KCNT2: variants seen among roughly 807,000 people sequenced by gnomAD.
The protein encoded by KCNT2 is potassium channel subfamily T member 2.
Under a neutral mutation model 153.8 loss-of-function variants are expected in KCNT2, and 67 were observed. The ratio of observed to expected loss-of-function variants is 0.44; its 90% CI spans 0.36 to 0.53. KCNT2 has a LOEUF of 0.53. Among genes scored for constraint, KCNT2 ranks in the 20% least tolerant of loss-of-function variants. The pLI is 0.00. For missense variants in KCNT2, 975 were observed against 1,354.8 expected, an observed-to-expected ratio of 0.72 and a Z score of 4.40; for synonymous variants, 500 against 458.8, an observed-to-expected ratio of 1.09 and a Z score of -1.15.
At chr1:196,346,192 T>G (rs1375706514) in intron 14 of KCNT2, among the ~76,000 whole-genome samples, 1 of 152,128 alleles carries the variant, frequency 6.6e-6, no homozygotes, top group African/African-American at 2.4e-5. Flanking sequence ...AGCTTTTTGT[T>G]TGTATATTTT....
chr1:196,367,938 A>T (rs1668180968), intron 14 of KCNT2, among the ~76,000 whole-genome samples: 4 of 152,156 alleles, frequency 2.6e-5, no homozygotes, highest in African/African-American at 9.6e-5. Flanking sequence ...GACTAGCCTG[A>T]AGCAGAGAAT....
intron 14 of KCNT2, among the ~76,000 whole-genome samples, chr1:196,353,064 T>A (rs1666871020): frequency 6.6e-6 from 1 of 151,872 alleles, no homozygotes; most frequent in Non-Finnish European, 1.5e-5. Context: ...GTGGTCTTTT[T>A]AAACTATCGG....
intron 1 of KCNT2, among the ~76,000 whole-genome samples, chr1:196,545,975 G>A (rs1271575246): frequency 6.6e-6 from 1 of 151,900 alleles, no homozygotes; most frequent in Non-Finnish European, 1.5e-5. Context: ...TAACACTGCT[G>A]TAAATATTAA....
At chr1:196,490,320 A>G (rs1679762872) in intron 2 of KCNT2, among the ~76,000 whole-genome samples, 1 of 151,594 alleles carries the variant, frequency 6.6e-6, no homozygotes, top group South Asian at 2.1e-4. Context: ...AGCTGCTTAC[A>G]AATTCACAAG....
chr1:196,320,965 G>C (rs1663250386), intron 19 of KCNT2, among the ~76,000 whole-genome samples: 1 of 149,486 alleles, frequency 6.7e-6, no homozygotes, highest in African/African-American at 2.5e-5. Context: ...ATCTTCCGAA[G>C]ACCTTATTTT....
chr1:196,288,165 T>C (rs1449276764), intron 22 of KCNT2, among the ~76,000 whole-genome samples: 2 of 122,818 alleles, frequency 1.6e-5, no homozygotes, highest in Non-Finnish European at 3.3e-5. Context: ...ATAAAACGCT[T>C]GAGAGACTTC....
intron 22 of KCNT2, among the ~76,000 whole-genome samples, chr1:196,297,145 T>C (rs2147944013): frequency 6.6e-6 from 1 of 152,186 alleles, no homozygotes; most frequent in Non-Finnish European, 1.5e-5. Flanking sequence ...GATGTGTGTG[T>C]GTGTGTGTGC....
intron 1 of KCNT2, among the ~76,000 whole-genome samples, chr1:196,525,952 C>G (rs1468294347): frequency 6.6e-6 from 1 of 151,840 alleles, no homozygotes. Context: ...GTTTAGTATT[C>G]ACTAATGCAG....
chr1:196,467,341 G>A (rs1216546062), intron 7 of KCNT2, among the ~76,000 whole-genome samples: 1 of 151,980 alleles, frequency 6.6e-6, no homozygotes, highest in Non-Finnish European at 1.5e-5. Flanking sequence ...CATTTTACAA[G>A]TTTTCATTCT....
At position 196,247,195 on chromosome 1, in the gene KCNT2, T is replaced by C. The variant is rs555997249; in HGVS notation, c.3211+10999A>G. Among the ~76,000 whole-genome samples the C allele has an allele frequency of 7.2e-5, 11 of 152,254 alleles. No individual in the cohort carries two copies. The South Asian group carries it at 8.3e-4, about 11-fold the overall frequency. On this transcript the variant is annotated intron_variant, in intron 26 of 27. Transcript: ENST00000294725. ...AACTATAAAAAGAGACAAAGGTCAA[T>C]ATATAATGATTAAGGGGTAAATTTA...
intron 1 of KCNT2, among the ~76,000 whole-genome samples, chr1:196,501,975 G>T (rs965303662): frequency 6.6e-6 from 1 of 152,010 alleles, no homozygotes; most frequent in Non-Finnish European, 1.5e-5. Context: ...AAAAACTAGC[G>T]GGGCATGGCG....
intron 12 of KCNT2, among the ~76,000 whole-genome samples, chr1:196,407,321 T>A (rs1266575017): frequency 2.6e-5 from 4 of 151,534 alleles, no homozygotes; most frequent in Non-Finnish European, 1.5e-5. Context: ...TGACGGCGTG[T>A]AACTGAAGTC....
In KCNT2 at chr1:196,410,625, G is replaced by A. The variant is rs571671104; in HGVS notation, c.1186-11954C>T. 6.7e-5 allele frequency among the ~76,000 whole-genome samples: 10 copies of A among 150,034 alleles called. No homozygotes were observed. The East Asian group carries it at 1.2e-3, about 18-fold the overall frequency. ...CTCTAGCTCACCCTGCAGCACAAACGAAAAATATCATTTTTATTACCATTA... is the reference window on the plus strand; with the variant it reads ...CTCTAGCTCACCCTGCAGCACAAACAAAAAATATCATTTTTATTACCATTA... On this transcript the variant is annotated intron_variant, in intron 12 of 27. Transcript: ENST00000294725.
chr1:196,279,404 C>G (rs553191157), intron 25 of KCNT2, among the ~76,000 whole-genome samples: 88 of 151,784 alleles, frequency 5.8e-4, no homozygotes, highest in Admixed American at 2.6e-3. Context: ...GAGACGGCAG[C>G]AAAACTCCAT....
intron 19 of KCNT2, among the ~76,000 whole-genome samples, chr1:196,326,371 G>T (rs990092411): frequency 2.0e-5 from 3 of 151,814 alleles, no homozygotes; most frequent in African/African-American, 2.4e-5. Flanking sequence ...AAAAAAAATT[G>T]TCCAGTTTTG....
intron 23 of KCNT2, among the ~76,000 whole-genome samples, chr1:196,284,120 A>G (rs1486518392): frequency 2.0e-5 from 3 of 147,574 alleles, no homozygotes; most frequent in Non-Finnish European, 4.5e-5. Flanking sequence ...AATCTCAGCT[A>G]TTTGGGAGCC....
intron 15 of KCNT2, among the ~76,000 whole-genome samples, chr1:196,341,563 TA>T (rs1269849292): frequency 6.6e-6 from 1 of 151,948 alleles, no homozygotes; most frequent in African/African-American, 2.4e-5. Context: ...TTTCATTATA[TA>T]CATACATTTT....
At chr1:196,320,222 G>A (rs1369898287) in intron 19 of KCNT2, among the ~76,000 whole-genome samples, 6 of 151,668 alleles carry the variant, frequency 4.0e-5, no homozygotes, top group Non-Finnish European at 5.9e-5. Context: ...AAACTGGAAA[G>A]CTTCCTTAGA....
intron 1 of KCNT2, among the ~76,000 whole-genome samples, chr1:196,523,321 T>C (rs769030906): frequency 3.9e-5 from 6 of 152,114 alleles, no homozygotes; most frequent in Non-Finnish European, 8.8e-5. Flanking sequence ...ACACTCACCA[T>C]GAGGGTCTGT....
Sources: gnomAD v4.1 joint callset for allele counts (sites outside exome capture counted in the v4.1 genomes callset) on GRCh38, gnomAD v4.1.1 for gene constraint, MANE v1.5 for transcripts, NCBI Gene and HGNC (gene_info 2026-07-23, HGNC 2026-07-21) for gene names.